KDM2A: variants seen among roughly 807,000 people sequenced by gnomAD.
The protein encoded by KDM2A is lysine-specific demethylase 2A.
KDM2A carries 3 observed loss-of-function variants against 137.3 expected under a neutral mutation model. The ratio of observed to expected loss-of-function variants is 0.02; its 90% confidence interval spans 0.01 to 0.06. The LOEUF is 0.06. KDM2A is among the 10% of genes least tolerant of loss of function. KDM2A has a pLI of 1.00. For synonymous variants in KDM2A, 512 were observed against 541.5 expected, an observed-to-expected ratio of 0.95 and a Z score of 0.76; for missense variants, 738 against 1,510.6, an observed-to-expected ratio of 0.49 and a Z score of 8.48.
In KDM2A at chr11:67,207,682, C is replaced by T. The variant is rs752944749; in HGVS notation, c.480C>T (p.Pro160=). ...GGCTGGAGAATATGGTGCAGAGGCC[C>T]TCCACGGTTAGTGTAATCATTTTCT... ...HTRLENMVQR[P]STVDFIDWVD... is the part of the protein sequence containing the mutation. The change falls in exon 6 of 21, where the codon CCC becomes CCT. Residue 160 remains proline, a synonymous_variant. Transcript: ENST00000529006. 6.2e-7 allele frequency: 1 copy of T among 1,602,828 alleles called. No individual in the cohort carries two copies. The highest frequency in any genetic ancestry group is 8.5e-7 in the Non-Finnish European group (1 of 1,173,580).
intron 19 of KDM2A, 60 bp downstream of exon 19, chr11:67,253,671 A>C: frequency 6.4e-7 from 1 of 1,564,312 alleles, no homozygotes; most frequent in Non-Finnish European, 8.8e-7. Context: ...TTCCAAACAG[A>C]CCTCGTCTTC....
intron 9 of KDM2A, 68 bp from the exon 10 acceptor site, chr11:67,219,220 T>A (rs1858261608): frequency 2.1e-5 from 14 of 674,580 alleles, no homozygotes. Context: ...GGTCTTGTAC[T>A]AGTTCTCTGA....
rs1203933408 is a variant in KDM2A, at chr11:67,255,274, A to G, written c.*219A>G. The G allele has an allele frequency of 3.5e-6, 2 of 571,940 alleles. No individual in the cohort carries two copies. The highest frequency in any genetic ancestry group is 5.9e-5 in the East Asian group (2 of 33,766). 35.4% of individuals were successfully genotyped at this position (571,940 alleles called of 1,614,324 possible). ...CCTCCTAAGGAAAAGGGAGTAGCAG[A>G]TTGATCTGAGGGGAAAGCACAGGCT... On this transcript the variant is annotated 3_prime_UTR_variant, in exon 21 of 21. Coordinates refer to ENST00000529006, the MANE Select transcript of KDM2A (RefSeq NM_012308.3).
intron 5 of KDM2A, 150 bp downstream of exon 5, chr11:67,182,042 C>A: frequency 4.2e-6 from 3 of 711,698 alleles, no homozygotes; most frequent in Non-Finnish European, 7.1e-6. Flanking sequence ...AGAATTTTAT[C>A]AAAGAGAGTT....
intron 18 of KDM2A, 41 bp downstream of exon 18, chr11:67,252,898 A>T: frequency 6.4e-7 from 1 of 1,568,902 alleles, no homozygotes; most frequent in Non-Finnish European, 8.7e-7. Context: ...AGGGGCCCAG[A>T]AGAAGCGGGC....
chr11:67,170,702 C>T (rs546258631), intron 2 of KDM2A, among the ~76,000 whole-genome samples: 12 of 152,166 alleles, frequency 7.9e-5, no homozygotes, highest in South Asian at 4.1e-4. Flanking sequence ...TGTGAGCCAC[C>T]GCACCTGGCC....
intron 2 of KDM2A, among the ~76,000 whole-genome samples, chr11:67,144,622 C>T (rs1590719654): frequency 6.6e-6 from 1 of 151,524 alleles, no homozygotes; most frequent in South Asian, 2.1e-4. Flanking sequence ...GGCTGGAGTA[C>T]AGTGGAACAG....
chr11:67,204,299 C>G (rs1019528211), intron 5 of KDM2A, among the ~76,000 whole-genome samples: 3 of 152,046 alleles, frequency 2.0e-5, no homozygotes, highest in African/African-American at 7.2e-5. Flanking sequence ...CTATCTAGTT[C>G]TAGAATTTCA....
intron 2 of KDM2A, among the ~76,000 whole-genome samples, chr11:67,157,949 A>G (rs1200027928): frequency 2.0e-5 from 3 of 152,146 alleles, no homozygotes; most frequent in Non-Finnish European, 4.4e-5. Flanking sequence ...ATACATTGTT[A>G]TTTAACTATA....
rs143995658 is a variant in KDM2A, at chr11:67,254,200, C to A, written c.3092-3C>A. ...GATCTAGGCTCTTCTCTTGCCTGTA[C>A]AGGTCAGGACAATCGCAGCAAGCTC... On this transcript the variant is annotated splice_polypyrimidine_tract_variant and splice_region_variant and intron_variant, in intron 19 of 20. Transcript: ENST00000529006. The surrounding 1 kb of genome is among the most constrained non-coding windows in gnomAD (Gnocchi z 4.7). The A allele has an allele frequency of 1.2e-3, 1,871 of 1,612,942 alleles. 24 individuals carry two copies. In the African/African-American group the frequency reaches 0.022, roughly 19 times the overall value.
intron 2 of KDM2A, among the ~76,000 whole-genome samples, chr11:67,168,077 A>T (rs2136322604): frequency 6.6e-6 from 1 of 152,352 alleles, no homozygotes; most frequent in African/African-American, 2.4e-5. Flanking sequence ...ATCATGAGAT[A>T]TGAAATTATC....
At chr11:67,185,637 C>CAAA (rs35825424) in intron 5 of KDM2A, among the ~76,000 whole-genome samples, 1 of 102,618 alleles carries the variant, frequency 9.7e-6, no homozygotes, top group Non-Finnish European at 2.1e-5. Flanking sequence ...AACTCTGTCG[C>CAAA]AAAAAAAAAA....
At chr11:67,179,691 G>C (rs1219290524) in intron 2 of KDM2A, among the ~76,000 whole-genome samples, 1 of 152,192 alleles carries the variant, frequency 6.6e-6, no homozygotes, top group Non-Finnish European at 1.5e-5. Context: ...TTTAAATACA[G>C]CTCTCCCTGT....
Position 67,255,544 on chromosome 11 carries a change from C to T in KDM2A, c.*489C>T, listed in dbSNP as rs1039298978. 6 of 456,844 alleles carry T rather than the reference C, an allele frequency of 1.3e-5. No homozygotes were observed. The Admixed American group carries it at 1.4e-4, about 11-fold the overall frequency. 28.3% of individuals were successfully genotyped at this position (456,844 alleles called of 1,614,324 possible). On this transcript the variant is annotated 3_prime_UTR_variant, in exon 21 of 21. Coordinates refer to ENST00000529006, the MANE Select transcript of KDM2A (RefSeq NM_012308.3). ...ACTCTCCCGGCTTGCGCAGGAGGGG[C>T]CAGCAGCCCCAGGAGTCCCAGACCC...
intron 2 of KDM2A, among the ~76,000 whole-genome samples, chr11:67,169,750 T>TCC (rs1856835963): frequency 1.9e-5 from 1 of 52,152 alleles, no homozygotes; most frequent in Non-Finnish European, 1.2e-4. Flanking sequence ...TCTCTCTCTC[T>TCC]CTCTCTCTCT....
chr11:67,185,488 G>T (rs1857181575), intron 5 of KDM2A, among the ~76,000 whole-genome samples: 1 of 151,974 alleles, frequency 6.6e-6, no homozygotes. Flanking sequence ...ACTTAACTGG[G>T]CATGGTGGTG....
chr11:67,253,360 G>T, intron 18 of KDM2A, 93 bp from the exon 19 acceptor site: 2 of 1,103,184 alleles, frequency 1.8e-6, no homozygotes, highest in South Asian at 2.8e-5. Flanking sequence ...TCTCCTATTA[G>T]ACTGGAAGTT....
At chr11:67,128,296 G>A (rs1429119420) in intron 2 of KDM2A, among the ~76,000 whole-genome samples, 1 of 151,876 alleles carries the variant, frequency 6.6e-6, no homozygotes, top group African/African-American at 2.4e-5. Flanking sequence ...GGGATTATAA[G>A]TGTGAGCCAC....
At chr11:67,157,775 T>C (rs563009943) in intron 2 of KDM2A, among the ~76,000 whole-genome samples, 2 of 150,752 alleles carry the variant, frequency 1.3e-5, no homozygotes, top group Non-Finnish European at 2.9e-5. Flanking sequence ...CTTGCATTAG[T>C]GTTGTACATT....
Sources: gnomAD v4.1 joint callset for allele counts (sites outside exome capture counted in the v4.1 genomes callset) on GRCh38, gnomAD v4.1.1 for gene constraint, Gnocchi (gnomAD v3.1) non-coding constraint, MANE v1.5 for transcripts, NCBI Gene and HGNC (gene_info 2026-07-23, HGNC 2026-07-21) for gene names.